The following MINDY2 variants were observed in gnomAD, a reference collection of about 807,000 sequenced individuals.
MINDY2 encodes ubiquitin carboxyl-terminal hydrolase MINDY-2.
Under a neutral mutation model 68.2 loss-of-function variants are expected in MINDY2, and 52 were observed. That is an observed-to-expected ratio of 0.76 (90% CI 0.61 to 0.96). The LOEUF is 0.96. MINDY2 is among the 40% of genes least tolerant of loss of function. The pLI, the probability that MINDY2 is intolerant of heterozygous loss-of-function variation, is 0.00. For synonymous variants in MINDY2, 372 were observed against 303.0 expected (o/e 1.23, Z -2.36); for missense variants, 881 against 773.4 (o/e 1.14, Z -1.65).
At chr15:58,801,681 C>T (rs1316643776) in intron 2 of MINDY2, among the ~76,000 whole-genome samples, 1 of 152,006 alleles carries the variant, frequency 6.6e-6, no homozygotes, top group Non-Finnish European at 1.5e-5. Flanking sequence ...ACTTTGTTGC[C>T]CAGGCTGGAG....
Position 58,844,323 on chromosome 15 carries a change from G to A in MINDY2, c.1369-2974G>A, listed in dbSNP as rs1273911516. Among the ~76,000 whole-genome samples, 4 of 151,944 alleles carry A rather than the reference G, an allele frequency of 2.6e-5. No homozygotes were observed. In the East Asian group the frequency reaches 7.7e-4, roughly 29 times the overall value. ...AGCACTTTGGGAGGCCGAGGCGGGT[G>A]GATCACAAGGTCAGGAGATTGAGAC... On this transcript the variant is annotated intron_variant, in intron 6 of 8. Coordinates refer to ENST00000559228, the MANE Select transcript of MINDY2 (RefSeq NM_001040450.3).
At chr15:58,849,960 C>T (rs1291096028) in intron 7 of MINDY2, among the ~76,000 whole-genome samples, 1 of 152,196 alleles carries the variant, frequency 6.6e-6, no homozygotes, top group African/African-American at 2.4e-5. Flanking sequence ...TGGTCTCGAA[C>T]TCCTGGGCTC....
chr15:58,817,949 C>T (rs2030807777), intron 4 of MINDY2, among the ~76,000 whole-genome samples: 1 of 152,160 alleles, frequency 6.6e-6, no homozygotes. Context: ...TAGAATTTTT[C>T]ACAGCAGTGT....
At chr15:58,817,627 G>C (rs868593742) in intron 4 of MINDY2, 1 of 152,258 alleles carries the variant, frequency 6.6e-6, no homozygotes, top group Non-Finnish European at 1.5e-5. Flanking sequence ...GGAGGCTGAG[G>C]CAGAGAATTG....
intron 7 of MINDY2, among the ~76,000 whole-genome samples, chr15:58,848,824 C>T (rs1370204028): frequency 2.0e-5 from 3 of 152,160 alleles, no homozygotes; most frequent in East Asian, 1.9e-4. Context: ...TTCTGAAAGT[C>T]GTGCTCATTT....
At chr15:58,779,718 TCTC>T (rs1260069603) in intron 1 of MINDY2, among the ~76,000 whole-genome samples, 2 of 152,194 alleles carry the variant, frequency 1.3e-5, no homozygotes, top group African/African-American at 4.8e-5. Context: ...TCATTCCCAG[TCTC>T]CTCCAAGAAT....
In MINDY2 at chr15:58,847,353, T is replaced by C; in HGVS notation, c.1425T>C (p.Val475=). The C allele has an allele frequency of 6.2e-7, 1 of 1,602,158 alleles. No individual in the cohort carries two copies. The highest frequency in any genetic ancestry group is 1.1e-5 in the South Asian group (1 of 89,838). ...GGTTTCTTACTGAAGAGAAAGTTGT[T>C]TGGGAAAGCCTACACAACGTAGATG... ...DQGFLTEEKV[V]WESLHNVDGD... Residue 475 remains valine, a synonymous_variant, in exon 7 of 9, where the codon GTT becomes GTC. Transcript: ENST00000559228.
At chr15:58,776,508 T>C (rs183463109) in intron 1 of MINDY2, among the ~76,000 whole-genome samples, 2 of 152,238 alleles carry the variant, frequency 1.3e-5, no homozygotes, top group East Asian at 1.9e-4. Context: ...GAGAATGTAA[T>C]AAAAATGTAG....
chr15:58,838,876 C>A lies in MINDY2; in HGVS notation c.1368+6960C>A, dbSNP rs768269501. Among the ~76,000 whole-genome samples, 3 of 151,808 alleles carry A rather than the reference C, an allele frequency of 2.0e-5. No homozygotes were observed. In the South Asian group the frequency reaches 6.2e-4, roughly 32 times the overall value. On this transcript the variant is annotated intron_variant, in intron 6 of 8. Coordinates refer to ENST00000559228, the MANE Select transcript of MINDY2 (RefSeq NM_001040450.3). ...GATTACAGGTGTGAGCCACTGAGCC[C>A]GGCCTAATTTTTATTACGACTTTTC...
chr15:58,788,655 T>C (rs1219576594), intron 2 of MINDY2, among the ~76,000 whole-genome samples: 1 of 152,234 alleles, frequency 6.6e-6, no homozygotes, highest in Non-Finnish European at 1.5e-5. Flanking sequence ...AGAATTTATA[T>C]ATTTATACTA....
chr15:58,830,009 T>A (rs1379449295), intron 5 of MINDY2, among the ~76,000 whole-genome samples: 1 of 152,244 alleles, frequency 6.6e-6, no homozygotes, highest in African/African-American at 2.4e-5. Context: ...AGATCACTTA[T>A]GAAACTTTTT....
At chr15:58,796,719 C>T (rs1166379595) in intron 2 of MINDY2, among the ~76,000 whole-genome samples, 1 of 152,196 alleles carries the variant, frequency 6.6e-6, no homozygotes, top group Non-Finnish European at 1.5e-5. Flanking sequence ...GATGGGGTTT[C>T]CCCATGTTGG....
At chr15:58,774,632 G>A (rs1264576301) in intron 1 of MINDY2, among the ~76,000 whole-genome samples, 2 of 152,116 alleles carry the variant, frequency 1.3e-5, no homozygotes, top group Non-Finnish European at 2.9e-5. Flanking sequence ...CTATGGAAGT[G>A]CAGAGAAAAC....
chr15:58,799,222 T>A (rs997853694), intron 2 of MINDY2, among the ~76,000 whole-genome samples: 20 of 152,206 alleles, frequency 1.3e-4, no homozygotes, highest in Admixed American at 1.3e-3. Context: ...ATTTAGATGT[T>A]CTGTTGAGAT....
chr15:58,776,413 G>C (rs756774934), intron 1 of MINDY2, among the ~76,000 whole-genome samples: 19 of 152,152 alleles, frequency 1.2e-4, no homozygotes, highest in Non-Finnish European at 2.4e-4. Flanking sequence ...TTAAGGGTGA[G>C]AGAGTGAAAA....
chr15:58,791,391 C>G (rs1170777867), intron 2 of MINDY2, among the ~76,000 whole-genome samples: 1 of 151,174 alleles, frequency 6.6e-6, no homozygotes, highest in Non-Finnish European at 1.5e-5. Flanking sequence ...AAATGTAGCT[C>G]CTGTCTTGAG....
At chr15:58,776,235 C>T (rs1039469983) in intron 1 of MINDY2, among the ~76,000 whole-genome samples, 1 of 152,116 alleles carries the variant, frequency 6.6e-6, no homozygotes. Flanking sequence ...CAATAGTTCT[C>T]AACTTTTCTT....
In MINDY2 at chr15:58,783,070, C is replaced by T. The variant is rs568740354; in HGVS notation, c.841-4836C>T. The stretch of plus-strand genomic sequence containing the variant: ...GAGTAGCTGGGATTACAGACACCTG[C>T]CACCGCGCCTGGCTAATTGTTTGTA... On this transcript the variant is annotated intron_variant, in intron 1 of 8. Transcript: ENST00000559228. Among the ~76,000 whole-genome samples the T allele has an allele frequency of 5.3e-5, 8 of 151,880 alleles. 1 individual carries two copies. The South Asian group carries it at 1.7e-3, about 32-fold the overall frequency.
chr15:58,840,975 T>C (rs2141042655), intron 6 of MINDY2, among the ~76,000 whole-genome samples: 1 of 149,682 alleles, frequency 6.7e-6, no homozygotes, highest in South Asian at 2.1e-4. Flanking sequence ...GCCAATTTTT[T>C]TTTTTTTTTA....
Sources: allele counts gnomAD v4.1 joint callset (sites outside exome capture counted in the v4.1 genomes callset), GRCh38; gene constraint gnomAD v4.1.1; transcripts MANE v1.5; gene names NCBI Gene and HGNC (gene_info 2026-07-23, HGNC 2026-07-21).